The following TMEM51 variants were observed in gnomAD, a reference collection of about 807,000 sequenced individuals.
TMEM51 encodes the protein transmembrane protein 51.
A neutral mutation model predicts 13.6 loss-of-function variants in TMEM51; 8 were observed. The observed-to-expected ratio is 0.59, with a 90% CI of 0.35 to 1.07. The LOEUF is 1.07. Among genes scored for constraint, TMEM51 ranks in the 50% least tolerant of loss-of-function variants. TMEM51 has a pLI of 0.02. For synonymous variants in TMEM51, 147 were observed against 144.4 expected, an observed-to-expected ratio of 1.02 and a Z score of -0.13; for missense variants, 279 against 330.7, an observed-to-expected ratio of 0.84 and a Z score of 1.21.
chr1:15,182,588 G>T (rs1261995801), intron 1 of TMEM51, among the ~76,000 whole-genome samples: 2 of 152,214 alleles, frequency 1.3e-5, no homozygotes, highest in Non-Finnish European at 2.9e-5. Context: ...TATCTAAATG[G>T]ATTGTCCTGC....
Position 15,161,226 on chromosome 1 carries a change from G to A in TMEM51, c.-267+7272G>A, listed in dbSNP as rs1423377923. 6.6e-6 allele frequency among the ~76,000 whole-genome samples: 1 copy of A among 152,096 alleles called. No individual in the cohort carries two copies. The highest frequency in any genetic ancestry group is 1.5e-5 in the Non-Finnish European group (1 of 68,052). On this transcript the variant is annotated intron_variant, in intron 1 of 3. Coordinates refer to ENST00000376008, the MANE Select transcript of TMEM51 (RefSeq NM_001136218.2). The surrounding 1 kb of genome is among the most constrained non-coding windows in gnomAD (Gnocchi z 4.0). ...TTTCTTCTTAAAAGTCATTTTGGGGGCTGGGCATGGTGGCTCATACCTGTA... is the reference window on the plus strand; with the variant it reads ...TTTCTTCTTAAAAGTCATTTTGGGGACTGGGCATGGTGGCTCATACCTGTA...
intron 2 of TMEM51, among the ~76,000 whole-genome samples, chr1:15,213,598 G>A (rs529667053): frequency 2.0e-5 from 3 of 152,264 alleles, no homozygotes; most frequent in African/African-American, 7.2e-5. Context: ...TGCTTCTCTG[G>A]CTCGCTCTCA....
At chr1:15,157,120 A>G (rs1261237303) in intron 1 of TMEM51, among the ~76,000 whole-genome samples, 1 of 152,200 alleles carries the variant, frequency 6.6e-6, no homozygotes, top group African/African-American at 2.4e-5. Context: ...ATACCAGGCC[A>G]CACAGCCCTG....
intron 1 of TMEM51, among the ~76,000 whole-genome samples, chr1:15,198,992 T>C (rs1343208362): frequency 3.3e-5 from 5 of 152,216 alleles, no homozygotes; most frequent in Non-Finnish European, 4.4e-5. Context: ...ACCCAAGATG[T>C]GCCCACTGAG....
chr1:15,163,627 C>T (rs1220873706), intron 1 of TMEM51, among the ~76,000 whole-genome samples: 2 of 151,832 alleles, frequency 1.3e-5, no homozygotes, highest in African/African-American at 4.9e-5. Context: ...AGTTTCGAGA[C>T]TGTTATTTTT....
At chr1:15,176,286 C>T (rs978696530) in intron 1 of TMEM51, among the ~76,000 whole-genome samples, 1 of 152,148 alleles carries the variant, frequency 6.6e-6, no homozygotes, top group African/African-American at 2.4e-5. Flanking sequence ...GCCCCAGAGG[C>T]GGCAGTGAGA....
At chr1:15,191,838 C>T in intron 1 of TMEM51, 1 of 487,074 alleles carries the variant, frequency 2.1e-6, no homozygotes, top group East Asian at 5.6e-5. Context: ...AAACCAGTGC[C>T]AGCTATTAAA....
chr1:15,211,832 C>A (rs1038752857), intron 2 of TMEM51, among the ~76,000 whole-genome samples: 9 of 125,534 alleles, frequency 7.2e-5, no homozygotes, highest in South Asian at 5.8e-4. Context: ...CCCCCCCCCC[C>A]CCCCCGGGAT....
At chr1:15,215,808 C>T (rs1218096804) in intron 3 of TMEM51, among the ~76,000 whole-genome samples, 1 of 152,188 alleles carries the variant, frequency 6.6e-6, no homozygotes, top group African/African-American at 2.4e-5. Context: ...AGGTGGATCA[C>T]TTGAGGTCAG....
intron 3 of TMEM51, among the ~76,000 whole-genome samples, chr1:15,218,818 T>C (rs1644467059): frequency 6.6e-6 from 1 of 152,086 alleles, no homozygotes; most frequent in Admixed American, 6.5e-5. Context: ...TCCTAGGAAG[T>C]CTTAAATAGC....
intron 1 of TMEM51, among the ~76,000 whole-genome samples, chr1:15,155,419 T>A (rs1016225740): frequency 1.3e-5 from 2 of 152,302 alleles, no homozygotes; most frequent in Non-Finnish European, 2.9e-5. Context: ...ATCTGTAAAA[T>A]GGGATGATGA....
intron 1 of TMEM51, among the ~76,000 whole-genome samples, chr1:15,201,712 A>ACAAGCTCGGCTCAATAC (rs1644159095): frequency 6.6e-6 from 1 of 152,148 alleles, no homozygotes; most frequent in Non-Finnish European, 1.5e-5. Flanking sequence ...GGGGAGGGGG[A>ACAAGCTCGGCTCAATAC]CAAGCTCGGC....
At chr1:15,159,074 C>T (rs764696209) in intron 1 of TMEM51, among the ~76,000 whole-genome samples, 6 of 152,184 alleles carry the variant, frequency 3.9e-5, no homozygotes, top group Admixed American at 1.3e-4. Context: ...AGAAGCAACT[C>T]AGGGGTTTGC....
chr1:15,156,849 C>T lies in TMEM51; in HGVS notation c.-267+2895C>T, dbSNP rs1642608492. Among the ~76,000 whole-genome samples, 4 of 152,274 alleles carry T rather than the reference C, an allele frequency of 2.6e-5. 1 individual carries two copies. The South Asian group carries it at 8.3e-4, about 32-fold the overall frequency. On this transcript the variant is annotated intron_variant, in intron 1 of 3. Coordinates refer to ENST00000376008, the MANE Select transcript of TMEM51 (RefSeq NM_001136218.2). The stretch of plus-strand genomic sequence containing the variant: ...TCCCTTCTAGGGCCCTTTACTTTAA[C>T]CCAGGAGACCTGGCCACATTCGGGA...
Position 15,192,036 on chromosome 1 carries a change from C to T in TMEM51, c.-266-18454C>T, listed in dbSNP as rs11579136. ...TTGCGTCTGTATTTGAAATGCCATACGTGATGTTGTCATGATGAGGATTAG... is the reference window on the plus strand; with the variant it reads ...TTGCGTCTGTATTTGAAATGCCATATGTGATGTTGTCATGATGAGGATTAG... On this transcript the variant is annotated intron_variant, in intron 1 of 3. Coordinates refer to ENST00000376008, the MANE Select transcript of TMEM51 (RefSeq NM_001136218.2). 2,090 of 529,130 alleles carry T rather than the reference C, an allele frequency of 3.9e-3. 35 individuals carry two copies. The highest frequency in any genetic ancestry group is 0.035 in the African/African-American group (1,837 of 51,770). The allele number at this position is 529,130 out of a possible 1,614,324, so 32.8% of individuals were successfully genotyped here. A position where few individuals can be genotyped will look rare whatever the true frequency, so the allele number is the denominator to read the frequency against.
chr1:15,189,765 T>C (rs942882805), intron 1 of TMEM51, among the ~76,000 whole-genome samples: 8 of 152,212 alleles, frequency 5.3e-5, no homozygotes, highest in African/African-American at 1.9e-4. Flanking sequence ...TCCAGCTCAG[T>C]GGCTGGTACC....
At chr1:15,159,079 G>A (rs1314524122) in intron 1 of TMEM51, among the ~76,000 whole-genome samples, 1 of 152,214 alleles carries the variant, frequency 6.6e-6, no homozygotes, top group Non-Finnish European at 1.5e-5. Context: ...CAACTCAGGG[G>A]TTTGCAGGGA....
intron 1 of TMEM51, among the ~76,000 whole-genome samples, chr1:15,160,625 A>G (rs1056943806): frequency 2.0e-5 from 3 of 152,040 alleles, no homozygotes; most frequent in South Asian, 2.1e-4. Flanking sequence ...TTAAGTTACC[A>G]TAAGAGGCCT....
At chr1:15,171,317 T>A in intron 1 of TMEM51, 1 of 1,303,936 alleles carries the variant, frequency 7.7e-7, no homozygotes, top group Non-Finnish European at 1.0e-6. Context: ...TTCTATGACC[T>A]ATGAGATAAG....
Sources: gnomAD v4.1 joint callset for allele counts (sites outside exome capture counted in the v4.1 genomes callset) on GRCh38, gnomAD v4.1.1 for gene constraint, Gnocchi (gnomAD v3.1) non-coding constraint, MANE v1.5 for transcripts, NCBI Gene and HGNC (gene_info 2026-07-23, HGNC 2026-07-21) for gene names.